Variants in ZNF521 observed in about 807,000 individuals in gnomAD.
ZNF521 encodes the protein zinc finger protein 521.
A neutral mutation model predicts 105.5 loss-of-function variants in ZNF521; 14 were observed. The ratio of observed to expected loss-of-function variants is 0.13; its 90% CI spans 0.09 to 0.21. ZNF521 has a LOEUF of 0.21. Among genes scored for constraint, ZNF521 ranks in the 10% least tolerant of loss-of-function variants. ZNF521 has a pLI of 1.00. For missense variants in ZNF521, 1,233 were observed against 1,629.7 expected (o/e 0.76, Z 4.19); for synonymous variants, 635 against 606.0 (o/e 1.05, Z -0.70).
At chr18:25,277,478 G>A (rs543355692) in intron 3 of ZNF521, among the ~76,000 whole-genome samples, 25 of 152,142 alleles carry the variant, frequency 1.6e-4, no homozygotes, top group African/African-American at 4.8e-4. Flanking sequence ...GATCAGTAGC[G>A]GAGTGACATC....
chr18:25,080,061 T>G (rs575396502), intron 7 of ZNF521, among the ~76,000 whole-genome samples: 1 of 152,320 alleles, frequency 6.6e-6, no homozygotes, highest in South Asian at 2.1e-4. Context: ...CAGGAGCTGC[T>G]ATCAAGGCAG....
intron 3 of ZNF521, among the ~76,000 whole-genome samples, chr18:25,254,007 G>A (rs374001552): frequency 6.6e-6 from 1 of 152,288 alleles, no homozygotes; most frequent in Middle Eastern, 3.4e-3. Flanking sequence ...TGCTGTCACA[G>A]AGAAAAGTAC....
At chr18:25,088,365 G>A (rs1215285053) in intron 7 of ZNF521, among the ~76,000 whole-genome samples, 1 of 151,672 alleles carries the variant, frequency 6.6e-6, no homozygotes, top group Non-Finnish European at 1.5e-5. Context: ...ACAGCCGCCC[G>A]CCACTGTGCC....
At chr18:25,180,298 T>C (rs2035609789) in intron 5 of ZNF521, among the ~76,000 whole-genome samples, 3 of 152,158 alleles carry the variant, frequency 2.0e-5, no homozygotes, top group African/African-American at 7.2e-5. Flanking sequence ...GAATGCAATA[T>C]TATACATACT....
chr18:25,231,745 C>T (rs988464620), intron 3 of ZNF521, among the ~76,000 whole-genome samples: 15 of 152,152 alleles, frequency 9.9e-5, no homozygotes, highest in African/African-American at 3.4e-4. Context: ...AATGTTAATG[C>T]TTACTTTGTT....
intron 4 of ZNF521, among the ~76,000 whole-genome samples, chr18:25,218,564 A>T (rs1200478404): frequency 1.3e-5 from 2 of 150,814 alleles, no homozygotes; most frequent in Non-Finnish European, 3.0e-5. Context: ...AGGCTGAGCC[A>T]GGAGGATTGC....
At chr18:25,141,200 C>T (rs926985831) in intron 5 of ZNF521, among the ~76,000 whole-genome samples, 4 of 152,124 alleles carry the variant, frequency 2.6e-5, no homozygotes, top group Non-Finnish European at 4.4e-5. Flanking sequence ...TTTGGACAAA[C>T]GTTTTGACTG....
rs149866011 is a variant in ZNF521, at chr18:25,178,983, A to G, written c.3658+16177T>C. On this transcript the variant is annotated intron_variant, in intron 5 of 7. Coordinates refer to ENST00000361524, the MANE Select transcript of ZNF521 (RefSeq NM_015461.3). Reference sequence around the variant, plus strand: ...GCCTCAGTTTCCTTGTCTGTATAACAAAAGTAATGATAACAACCTCATATC... The same window carrying G: ...GCCTCAGTTTCCTTGTCTGTATAACGAAAGTAATGATAACAACCTCATATC... Among the ~76,000 whole-genome samples, 156 of 152,190 alleles carry G rather than the reference A, an allele frequency of 1.0e-3. 6 individuals are homozygous for G. The East Asian group carries it at 0.02, about 19-fold the overall frequency.
chr18:25,102,592 C>T (rs529475140), intron 5 of ZNF521, among the ~76,000 whole-genome samples: 5 of 151,996 alleles, frequency 3.3e-5, no homozygotes, highest in South Asian at 2.1e-4. Context: ...AGTATATGTG[C>T]TCATAGCTCC....
chr18:25,259,526 C>T (rs1401565026), intron 3 of ZNF521, among the ~76,000 whole-genome samples: 1 of 152,214 alleles, frequency 6.6e-6, no homozygotes, highest in East Asian at 1.9e-4. Context: ...CGGGCGTAAA[C>T]TTCCAGGAGC....
intron 3 of ZNF521, among the ~76,000 whole-genome samples, chr18:25,267,907 GA>G (rs1384260637): frequency 6.6e-6 from 1 of 152,088 alleles, no homozygotes; most frequent in African/African-American, 2.4e-5. Flanking sequence ...ACCAGCAAGG[GA>G]ACAAAACTAG....
intron 3 of ZNF521, among the ~76,000 whole-genome samples, chr18:25,233,936 C>T (rs1906706663): frequency 6.6e-6 from 1 of 152,076 alleles, no homozygotes. Flanking sequence ...TCTTCCGCAG[C>T]CAAATTAAAT....
intron 5 of ZNF521, among the ~76,000 whole-genome samples, chr18:25,145,334 T>C (rs556292619): frequency 5.3e-5 from 8 of 152,082 alleles, no homozygotes; most frequent in Non-Finnish European, 1.0e-4. Context: ...AGGATGAGAG[T>C]ACTGAATTCT....
At chr18:25,075,406 G>A (rs539365271) in intron 7 of ZNF521, among the ~76,000 whole-genome samples, 21 of 152,268 alleles carry the variant, frequency 1.4e-4, no homozygotes, top group African/African-American at 3.6e-4. Flanking sequence ...TTCTCTTTCC[G>A]TGCAACTTTC....
intron 4 of ZNF521, among the ~76,000 whole-genome samples, chr18:25,213,031 T>C (rs907452825): frequency 2.0e-5 from 3 of 151,522 alleles, no homozygotes; most frequent in African/African-American, 7.3e-5. Context: ...TACTTTTTTC[T>C]AATACTCAAA....
chr18:25,121,427 A>G (rs2144350716), intron 5 of ZNF521, among the ~76,000 whole-genome samples: 1 of 151,880 alleles, frequency 6.6e-6, no homozygotes, highest in African/African-American at 2.4e-5. Context: ...TAATTTTTGC[A>G]TTTTCAGTAG....
At chr18:25,208,070 C>G (rs1003381222) in intron 4 of ZNF521, among the ~76,000 whole-genome samples, 2 of 152,004 alleles carry the variant, frequency 1.3e-5, no homozygotes, top group African/African-American at 2.4e-5. Flanking sequence ...ATCCAGGTGA[C>G]AAATCAGTCA....
chr18:25,340,175 T>G (rs535734895), intron 2 of ZNF521, among the ~76,000 whole-genome samples: 6 of 152,216 alleles, frequency 3.9e-5, no homozygotes, highest in South Asian at 2.1e-4. Context: ...GCCAACATGA[T>G]GAAACCCTGT....
At chr18:25,176,805 G>T (rs751137415) in intron 5 of ZNF521, among the ~76,000 whole-genome samples, 4 of 152,250 alleles carry the variant, frequency 2.6e-5, no homozygotes, top group African/African-American at 4.8e-5. Context: ...TGACAAAGAT[G>T]AAACTGCTCC....
Sources: allele counts gnomAD v4.1 joint callset (sites outside exome capture counted in the v4.1 genomes callset), GRCh38; gene constraint gnomAD v4.1.1; transcripts MANE v1.5; gene names NCBI Gene and HGNC (gene_info 2026-07-23, HGNC 2026-07-21).